The following PDCD2L variants were observed in gnomAD, a reference collection of about 807,000 sequenced individuals.
PDCD2L encodes uS5 assembly chaperone PDCD2L.
A neutral mutation model predicts 40.4 loss-of-function variants in PDCD2L; 44 were observed. The observed-to-expected ratio is 1.09, with a 90% CI of 0.86 to 1.40. The LOEUF is 1.40. Among genes scored for constraint, PDCD2L ranks in the 40% most tolerant of loss-of-function variants. PDCD2L has a pLI of 0.00. For missense variants in PDCD2L, 470 were observed against 453.7 expected, an observed-to-expected ratio of 1.04 and a Z score of -0.33; for synonymous variants, 194 against 174.6, an observed-to-expected ratio of 1.11 and a Z score of -0.88.
intron 3 of PDCD2L, among the ~76,000 whole-genome samples, chr19:34,407,849 T>C (rs1183382275): frequency 6.6e-6 from 1 of 152,202 alleles, no homozygotes; most frequent in Non-Finnish European, 1.5e-5. Flanking sequence ...GGCAGGCAAG[T>C]TGGTAGCTGC....
chr19:34,407,206 A>G (rs1290534474), intron 3 of PDCD2L, among the ~76,000 whole-genome samples: 1 of 150,024 alleles, frequency 6.7e-6, no homozygotes, highest in Admixed American at 6.7e-5. Context: ...CAGTAGCACA[A>G]TCTTGGCTCA....
rs202211662 is a variant in PDCD2L at position 34,409,307 on chromosome 19, G to A, written c.483G>A (p.Arg161=). Residue 161 remains arginine, a synonymous_variant, in exon 4 of 7, where the codon CGG becomes CGA. Transcript: ENST00000246535. ...CCAAAGACGTAGACTGGACTGCTCG[G>A]CTCCAAGACCTCCGCCTGCAGGATG... ...SSAKDVDWTA[R]LQDLRLQDAV... 31 of 1,613,998 alleles carry A rather than the reference G, an allele frequency of 1.9e-5. No homozygotes were observed. Among genetic ancestry groups the A allele is most frequent in the Non-Finnish European group, 2.6e-5 (31 of 1,180,038 alleles).
At chr19:34,405,617 C>T (rs370175678) in intron 3 of PDCD2L, among the ~76,000 whole-genome samples, 55 of 150,510 alleles carry the variant, frequency 3.7e-4, no homozygotes, top group Middle Eastern at 3.4e-3. Flanking sequence ...AGTTGGAGAC[C>T]AGGCTGGGCG....
intron 3 of PDCD2L, among the ~76,000 whole-genome samples, chr19:34,408,326 T>C (rs2075086359): frequency 6.6e-6 from 1 of 151,730 alleles, no homozygotes; most frequent in Non-Finnish European, 1.5e-5. Context: ...AGAAAAGTGC[T>C]GTTGCTTTTT....
rs1474550221 is a variant in PDCD2L at position 34,404,750 on chromosome 19, G to C, written c.210G>C (p.Pro70=). ...VQVYCPLEGS[P]FHRLLHVFAC... ...TGTATTGCCCGCTGGAAGGCTCCCC[G>C]TTTCACCGTCTGCTGCACGTGTTCG... The change falls in exon 2 of 7, where the codon CCG becomes CCC. Residue 70 remains proline (P), a synonymous_variant. Transcript: ENST00000246535. 1 of 1,611,734 alleles carries C rather than the reference G, an allele frequency of 6.2e-7. No individual in the cohort carries two copies. The highest frequency in any genetic ancestry group is 8.5e-7 in the Non-Finnish European group (1 of 1,179,666).
intron 6 of PDCD2L, 42 bp downstream of exon 6, chr19:34,421,709 A>G (rs1397318342): frequency 5.2e-6 from 8 of 1,536,202 alleles, no homozygotes; most frequent in Non-Finnish European, 4.4e-6. Context: ...GATTTCTGGC[A>G]TTATTTTTAA....
intron 3 of PDCD2L, among the ~76,000 whole-genome samples, chr19:34,407,660 T>TA (rs1466462326): frequency 6.6e-6 from 1 of 152,194 alleles, no homozygotes; most frequent in Non-Finnish European, 1.5e-5. Context: ...TTTTTAAACT[T>TA]ACACTGAAGG....
At chr19:34,422,489 C>G (rs1343830996) in intron 6 of PDCD2L, among the ~76,000 whole-genome samples, 1 of 151,754 alleles carries the variant, frequency 6.6e-6, no homozygotes, top group Non-Finnish European at 1.5e-5. Flanking sequence ...CCATGCCTGG[C>G]CAGAAATTAA....
intron 1 of PDCD2L, 32 bp downstream of exon 1, chr19:34,404,570 G>T: frequency 6.4e-7 from 1 of 1,573,064 alleles, no homozygotes; most frequent in African/African-American, 1.3e-5. Context: ...GGGGTCGATG[G>T]GTGCTGCTGA....
At position 34,409,508 on chromosome 19, in the gene PDCD2L, A is replaced by G; in HGVS notation, c.684A>G (p.Gln228=). The G allele has an allele frequency of 6.2e-7, 1 of 1,612,846 alleles. No homozygotes were observed. The part of the protein sequence containing the change: ...EGIAMDQLLS[Q]SLPNDGDEKY... The stretch of plus-strand genomic sequence containing the variant: ...TTGCCATGGATCAGTTGCTTTCCCA[A>G]AGGTGAGGATGTGTGCTGCTGAGGT... The change falls in exon 4 of 7, where the codon CAA becomes CAG. Residue 228 remains glutamine, a splice_region_variant and synonymous_variant. Coordinates refer to ENST00000246535, the MANE Select transcript of PDCD2L (RefSeq NM_032346.2).
In PDCD2L at chr19:34,409,180, C is replaced by A. The variant is rs768015831; in HGVS notation, c.356C>A (p.Ala119Glu). Residue 119 changes from alanine to glutamate, a missense_variant, in exon 4 of 7, where the codon GCA becomes GAA. Coordinates refer to ENST00000246535, the MANE Select transcript of PDCD2L (RefSeq NM_032346.2). ...TTCCAGAAACAGGGAAACAGCCTTG[C>A]AGCTGAGGACTGGTGTGAAGGTGCT... ...QDAQKQGNSL[A>E]AEDWCEGADD... 4.3e-6 allele frequency: 7 copies of A among 1,610,738 alleles called. No individual in the cohort carries two copies. The highest frequency in any genetic ancestry group is 5.1e-6 in the Non-Finnish European group (6 of 1,177,132).
At chr19:34,415,790 A>G (rs1310453225) in intron 5 of PDCD2L, among the ~76,000 whole-genome samples, 2 of 152,204 alleles carry the variant, frequency 1.3e-5, no homozygotes, top group African/African-American at 2.4e-5. Context: ...TTTAACATAT[A>G]TATTTATTCA....
intron 5 of PDCD2L, among the ~76,000 whole-genome samples, chr19:34,414,499 T>C (rs556596742): frequency 1.4e-5 from 2 of 144,282 alleles, no homozygotes; most frequent in South Asian, 4.6e-4. Flanking sequence ...TTTTTTTTTT[T>C]TTTGGGGGCA....
intron 4 of PDCD2L, 136 bp from the exon 5 acceptor site, chr19:34,413,601 T>TGCTGAGATTACAGGCGTGAGCC (rs2075114030): frequency 2.1e-6 from 1 of 479,784 alleles, no homozygotes; most frequent in South Asian, 2.4e-5. Context: ...CCTCCCAAAG[T>TGCTGAGATTACAGGCGTGAGCC]GCTGAGATTA....
At chr19:34,404,624 C>T (rs766656526) in intron 1 of PDCD2L, 25 bp from the exon 2 acceptor site, 1 of 1,604,456 alleles carries the variant, frequency 6.2e-7, no homozygotes, top group African/African-American at 1.3e-5. Context: ...GAGTCGGGGT[C>T]TGAGCGCCTC....
chr19:34,404,828 G>A lies in PDCD2L; in HGVS notation c.275+13G>A. On this transcript the variant is annotated intron_variant, in intron 2 of 6. Transcript: ENST00000246535. ...GCGGTGCGCGCAGGTAGGCGGGGAA[G>A]TCCCAGAGCTGCTCCAGGGGTGTCC... 4 of 1,603,004 alleles carry A rather than the reference G, an allele frequency of 2.5e-6. No individual in the cohort carries two copies. The highest frequency in any genetic ancestry group is 2.6e-6 in the Non-Finnish European group (3 of 1,176,110).
intron 6 of PDCD2L, among the ~76,000 whole-genome samples, chr19:34,425,250 T>G (rs989419905): frequency 6.6e-6 from 1 of 151,898 alleles, no homozygotes; most frequent in Non-Finnish European, 1.5e-5. Context: ...TTTGCCTGAA[T>G]CCTTATCCTT....
chr19:34,408,250 A>G (rs1452586546), intron 3 of PDCD2L, among the ~76,000 whole-genome samples: 1 of 152,092 alleles, frequency 6.6e-6, no homozygotes, highest in African/African-American at 2.4e-5. Context: ...TATTAGCAGT[A>G]CTTAAATAAA....
At position 34,421,603 on chromosome 19, in the gene PDCD2L, C is replaced by T. The variant is rs769965674; in HGVS notation, c.882C>T (p.Gly294=). ...TCCCAGCCTGCAGCCAGTGTGGAGG[C>T]CAAAGGATATTTGAGTTTCAGCTTA... The part of the protein sequence containing the change: ...TELPACSQCG[G]QRIFEFQLMP... Residue 294 remains glycine (G), a synonymous_variant, in exon 6 of 7, where the codon GGC becomes GGT. Transcript: ENST00000246535. 6.2e-7 allele frequency: 1 copy of T among 1,614,064 alleles called. No individual in the cohort carries two copies. Among genetic ancestry groups the T allele is most frequent in the Non-Finnish European group, 8.5e-7 (1 of 1,180,028 alleles).
Sources: allele counts gnomAD v4.1 joint callset (sites outside exome capture counted in the v4.1 genomes callset), GRCh38; gene constraint gnomAD v4.1.1; transcripts MANE v1.5; gene names NCBI Gene and HGNC (gene_info 2026-07-23, HGNC 2026-07-21).